Variants in FMNL2 observed in about 807,000 individuals in gnomAD.
FMNL2 encodes the protein formin like 2.
Under a neutral mutation model 130.2 loss-of-function variants are expected in FMNL2, and 51 were observed. That is an observed-to-expected ratio of 0.39 (90% CI 0.31 to 0.49). The LOEUF (loss-of-function observed/expected upper bound fraction) is 0.49, where lower values mean the gene tolerates loss of function less well. FMNL2 is among the 20% of genes least tolerant of loss of function. The probability of loss-of-function intolerance (pLI) is 0.85; values close to 1 mark genes in which losing one functional copy is unlikely to be tolerated. For synonymous variants in FMNL2, 465 were observed against 467.1 expected, an observed-to-expected ratio of 1.00 and a Z score of 0.06; for missense variants, 977 against 1,316.2, an observed-to-expected ratio of 0.74 and a Z score of 3.99.
chr2:152,607,222 T>C (rs1698420212), intron 9 of FMNL2, 117 bp from the exon 10 acceptor site: 1 of 841,716 alleles, frequency 1.2e-6, no homozygotes, highest in East Asian at 2.7e-5. Context: ...GTAAATAGTT[T>C]ATGAGAGAGA....
At chr2:152,424,242 G>A (rs942326557) in intron 1 of FMNL2, among the ~76,000 whole-genome samples, 8 of 152,120 alleles carry the variant, frequency 5.3e-5, no homozygotes, top group African/African-American at 1.7e-4. Flanking sequence ...GAAGGAACCC[G>A]GGCTGGGTGT....
At chr2:152,644,035 G>C (rs966264583) in intron 25 of FMNL2, 1 of 358,798 alleles carries the variant, frequency 2.8e-6, no homozygotes, top group African/African-American at 2.2e-5. Context: ...TTTGAGACCA[G>C]CCTGGGTAAC....
chr2:152,637,601 T>C lies in FMNL2; in HGVS notation c.2873T>C (p.Phe958Ser), dbSNP rs1682730377. 6.2e-7 allele frequency: 1 copy of C among 1,614,002 alleles called. No homozygotes were observed. The highest frequency in any genetic ancestry group is 8.5e-7 in the Non-Finnish European group (1 of 1,179,872). Residue 958 changes from phenylalanine to serine, a missense_variant, in exon 23 of 26, where the codon TTT (phenylalanine) becomes TCT (serine). Coordinates refer to ENST00000288670, the MANE Select transcript of FMNL2 (RefSeq NM_052905.4). ...QDAFDDVVKY[F>S]GENPKTTPPS... ...GCCTTTGATGATGTTGTGAAGTATT[T>C]TGGAGAAAACCCCAAGACAACACCA...
chr2:152,507,318 T>C (rs1485204182), intron 1 of FMNL2, among the ~76,000 whole-genome samples: 1 of 152,244 alleles, frequency 6.6e-6, no homozygotes, highest in Non-Finnish European at 1.5e-5. Context: ...AAAGCCATTA[T>C]GTTAAAGAAA....
chr2:152,644,872 G>A (rs1413404322), intron 25 of FMNL2, among the ~76,000 whole-genome samples: 2 of 152,158 alleles, frequency 1.3e-5, no homozygotes, highest in Non-Finnish European at 2.9e-5. Context: ...AACCTCCTGG[G>A]CACAGTTTTT....
chr2:152,517,219 G>T (rs1403034153), intron 1 of FMNL2, among the ~76,000 whole-genome samples: 1 of 152,014 alleles, frequency 6.6e-6, no homozygotes, highest in Non-Finnish European at 1.5e-5. Flanking sequence ...ATATTATCAT[G>T]GAATGATGTT....
intron 1 of FMNL2, among the ~76,000 whole-genome samples, chr2:152,425,578 C>G (rs1687157310): frequency 6.6e-6 from 1 of 152,170 alleles, no homozygotes; most frequent in Non-Finnish European, 1.5e-5. Flanking sequence ...TCTAATTATA[C>G]TGCTTTTTAA....
At chr2:152,340,678 AGTT>A (rs747624985) in intron 1 of FMNL2, among the ~76,000 whole-genome samples, 9 of 152,134 alleles carry the variant, frequency 5.9e-5, no homozygotes, top group Non-Finnish European at 1.3e-4. Flanking sequence ...AGGAAGGTCA[AGTT>A]GTTGTTTTTT....
intron 1 of FMNL2, among the ~76,000 whole-genome samples, chr2:152,483,456 A>G (rs544306091): frequency 6.6e-6 from 1 of 152,332 alleles, no homozygotes; most frequent in Admixed American, 6.5e-5. Context: ...TCAGCTAACT[A>G]CAATTGGATT....
intron 25 of FMNL2, among the ~76,000 whole-genome samples, chr2:152,644,766 C>T (rs1683396048): frequency 6.6e-6 from 1 of 152,144 alleles, no homozygotes; most frequent in African/African-American, 2.4e-5. Flanking sequence ...CTTCTTTGGT[C>T]AGGATGATGG....
At chr2:152,639,752 A>C (rs1423944763) in intron 23 of FMNL2, among the ~76,000 whole-genome samples, 1 of 152,158 alleles carries the variant, frequency 6.6e-6, no homozygotes, top group Non-Finnish European at 1.5e-5. Context: ...GGATGAATTG[A>C]ATCTCAGCTC....
chr2:152,364,259 G>GTTTTTTTTTTTTTTTT, intron 1 of FMNL2, among the ~76,000 whole-genome samples: 1 of 100,764 alleles, frequency 9.9e-6, no homozygotes, highest in Non-Finnish European at 1.8e-5. Context: ...GGAGGTTTGT[G>GTTTTTTTTTTTTTTTT]TGTTTTTTTT....
At position 152,557,335 on chromosome 2, in the gene FMNL2, G is replaced by A. The variant is rs141752722; in HGVS notation, c.360-1405G>A. On this transcript the variant is annotated intron_variant, in intron 4 of 25. Coordinates refer to ENST00000288670, the MANE Select transcript of FMNL2 (RefSeq NM_052905.4). Reference sequence around the variant, plus strand: ...ACCAGGTGGTATTTTCTTTGCCACCGTTGCCACTCCAGGTCTCTCTTAAAT... The same window carrying A: ...ACCAGGTGGTATTTTCTTTGCCACCATTGCCACTCCAGGTCTCTCTTAAAT... 9.3e-4 allele frequency among the ~76,000 whole-genome samples: 141 copies of A among 152,248 alleles called. 1 individual carries two copies. Among genetic ancestry groups the A allele is most frequent in the African/African-American group, 3.3e-3 (138 of 41,546 alleles).
chr2:152,390,218 G>A (rs1385430697), intron 1 of FMNL2: 3 of 1,449,538 alleles, frequency 2.1e-6, no homozygotes, highest in African/African-American at 2.8e-5. Context: ...ACTTCCGGCT[G>A]AAAGGGAAGG....
chr2:152,535,827 A>G (rs1693967729), intron 2 of FMNL2, among the ~76,000 whole-genome samples: 1 of 152,228 alleles, frequency 6.6e-6, no homozygotes, highest in Admixed American at 6.5e-5. Context: ...GTCAGTAGGC[A>G]GAGACTTAAT....
At chr2:152,423,511 A>T (rs1472652839) in intron 1 of FMNL2, among the ~76,000 whole-genome samples, 1 of 152,168 alleles carries the variant, frequency 6.6e-6, no homozygotes, top group East Asian at 1.9e-4. Context: ...CAGGAAGAGT[A>T]AAAGCCAGTA....
At chr2:152,566,064 G>A (rs573296871) in intron 6 of FMNL2, among the ~76,000 whole-genome samples, 1 of 152,318 alleles carries the variant, frequency 6.6e-6, no homozygotes, top group South Asian at 2.1e-4. Context: ...ACAAGCATGA[G>A]CCACCATGCC....
rs1239612452 is a variant in FMNL2 at position 152,521,751 on chromosome 2, T to C, written c.118-192T>C. Among the ~76,000 whole-genome samples the C allele has an allele frequency of 2.6e-5, 4 of 152,198 alleles. No homozygotes were observed. The South Asian group carries it at 6.2e-4, about 24-fold the overall frequency. ...CATGTCCCACCATAGAACTTCAGAA[T>C]TTCCCGCCTCTCATCTAACCGATTT... On this transcript the variant is annotated intron_variant, in intron 1 of 25. Transcript: ENST00000288670.
At chr2:152,540,284 C>T (rs1187373462) in intron 2 of FMNL2, among the ~76,000 whole-genome samples, 3 of 151,926 alleles carry the variant, frequency 2.0e-5, no homozygotes, top group Admixed American at 1.3e-4. Context: ...TGCTAAATCC[C>T]CATGGCAATA....
Sources: gnomAD v4.1 joint callset for allele counts (sites outside exome capture counted in the v4.1 genomes callset) on GRCh38, gnomAD v4.1.1 for gene constraint, MANE v1.5 for transcripts, NCBI Gene and HGNC (gene_info 2026-07-23, HGNC 2026-07-21) for gene names.